PRRX1: variants seen among roughly 807,000 people sequenced by gnomAD.
PRRX1 encodes the protein paired related homeobox 1, also known as paired mesoderm homeobox protein 1.
A neutral mutation model predicts 24.0 loss-of-function variants in PRRX1; 8 were observed. That is an observed-to-expected ratio of 0.33 (90% confidence interval 0.20 to 0.60). The LOEUF (loss-of-function observed/expected upper bound fraction) is 0.60. PRRX1 is among the 20% of genes least tolerant of loss of function. The pLI is 0.82. For missense variants in PRRX1, 281 were observed against 322.4 expected (o/e 0.87, Z 0.98); for synonymous variants, 160 against 131.7 (o/e 1.22, Z -1.47).
In PRRX1 at chr1:170,726,347, G is replaced by C. The variant is rs746264594; in HGVS notation, c.545G>C (p.Arg182Pro). ...VTAVEQPIVPRPAPRPTDYLS... is the reference protein window; with the variant it reads ...VTAVEQPIVPPPAPRPTDYLS... ...GCTGTGGAGCAGCCCATCGTACCTC[G>C]TCCTGCTCCGAGACCCACCGATTAT... The change falls in exon 3 of 4, where the codon CGT becomes CCT. Residue 182 changes from arginine (R) to proline (P), a missense_variant. Coordinates refer to ENST00000239461, the MANE Select transcript of PRRX1 (RefSeq NM_022716.4). The C allele has an allele frequency of 6.8e-6, 11 of 1,613,990 alleles. No homozygotes were observed. In the Middle Eastern group the frequency reaches 8.2e-4, roughly 121 times the overall value.
intron 1 of PRRX1, among the ~76,000 whole-genome samples, chr1:170,671,523 C>A (rs1262392925): frequency 6.6e-6 from 1 of 152,250 alleles, no homozygotes; most frequent in East Asian, 1.9e-4. Flanking sequence ...CCTTCTTTCG[C>A]CGAAAGGGGG....
intron 3 of PRRX1, 71 bp from the exon 4 acceptor site, chr1:170,735,977 T>C (rs1192218853): frequency 5.6e-6 from 9 of 1,593,678 alleles, no homozygotes; most frequent in Non-Finnish European, 6.0e-6. Context: ...TACATCCATC[T>C]GGGGCACAGA....
chr1:170,676,334 T>C (rs1386321738), intron 1 of PRRX1, among the ~76,000 whole-genome samples: 1 of 152,098 alleles, frequency 6.6e-6, no homozygotes, highest in Non-Finnish European at 1.5e-5. Context: ...CCCCTCTCTT[T>C]TTTTTTTCTT....
At chr1:170,721,949 A>G (rs1026343864) in intron 2 of PRRX1, among the ~76,000 whole-genome samples, 7 of 152,080 alleles carry the variant, frequency 4.6e-5, no homozygotes, top group Non-Finnish European at 8.8e-5. Flanking sequence ...AAATAAGGAA[A>G]ACTGCAGAGG....
chr1:170,701,050 A>G (rs1654341218), intron 1 of PRRX1, among the ~76,000 whole-genome samples: 1 of 152,202 alleles, frequency 6.6e-6, no homozygotes, highest in African/African-American at 2.4e-5. Context: ...AATGAGTAAT[A>G]CTGCCTTTAT....
chr1:170,666,460 G>T (rs1261801223), intron 1 of PRRX1, among the ~76,000 whole-genome samples: 1 of 149,658 alleles, frequency 6.7e-6, no homozygotes, highest in African/African-American at 2.5e-5. Context: ...ACAGCATTTG[G>T]TGTAGACCCC....
At chr1:170,674,095 C>A (rs1653228454) in intron 1 of PRRX1, among the ~76,000 whole-genome samples, 1 of 152,212 alleles carries the variant, frequency 6.6e-6, no homozygotes, top group Non-Finnish European at 1.5e-5. Flanking sequence ...ACTTTTCATT[C>A]TTTACATCAA....
At chr1:170,718,899 A>T (rs964530636) in intron 1 of PRRX1, among the ~76,000 whole-genome samples, 2 of 152,208 alleles carry the variant, frequency 1.3e-5, no homozygotes, top group African/African-American at 4.8e-5. Flanking sequence ...CCTTCAGGGG[A>T]ACTCAGAGAA....
intron 1 of PRRX1, among the ~76,000 whole-genome samples, chr1:170,696,378 C>T (rs1381152083): frequency 6.6e-6 from 1 of 152,120 alleles, no homozygotes; most frequent in Non-Finnish European, 1.5e-5. Context: ...GTGTGCGGTT[C>T]TCAGAGAGGA....
intron 1 of PRRX1, among the ~76,000 whole-genome samples, chr1:170,685,962 T>C (rs1019716973): frequency 2.6e-5 from 4 of 152,070 alleles, no homozygotes; most frequent in Admixed American, 2.6e-4. Context: ...ATTGGACATA[T>C]ACCTGTTCAT....
rs1335739239 is a variant in PRRX1, at chr1:170,737,466, C to A, written c.*1280C>A. The A allele has an allele frequency of 5.0e-6, 1 of 201,330 alleles. No individual in the cohort carries two copies. The highest frequency in any genetic ancestry group is 1.0e-5 in the Non-Finnish European group (1 of 97,894). The allele number at this position is 201,330 out of a possible 1,614,324, so 12.5% of individuals were successfully genotyped here. On this transcript the variant is annotated 3_prime_UTR_variant, in exon 4 of 4. Transcript: ENST00000239461. ...GAGCTCTGGTGAAATGCTGATACAT[C>A]TGATCTATCATGGGAATTGCAGTTA...
chr1:170,730,190 T>C, intron 3 of PRRX1: 3 of 1,109,500 alleles, frequency 2.7e-6, no homozygotes, highest in South Asian at 2.5e-5. Flanking sequence ...ATCCTTCTCC[T>C]CCCCTCATTT....
chr1:170,674,670 T>G (rs963609253), intron 1 of PRRX1, among the ~76,000 whole-genome samples: 7 of 152,172 alleles, frequency 4.6e-5, no homozygotes, highest in African/African-American at 1.7e-4. Context: ...ATTTTTTTTT[T>G]TTTGTACGGA....
In PRRX1 at chr1:170,668,691, T is replaced by C. The variant is rs558852064; in HGVS notation, c.241+4232T>C. 4 of 152,340 alleles carry C rather than the reference T, an allele frequency of 2.6e-5. No individual in the cohort carries two copies. In the East Asian group the frequency reaches 7.7e-4, roughly 29 times the overall value. The allele number at this position is 152,340 out of a possible 1,614,324, so 9.4% of individuals were successfully genotyped here. On this transcript the variant is annotated intron_variant, in intron 1 of 3. Coordinates refer to ENST00000239461, the MANE Select transcript of PRRX1 (RefSeq NM_022716.4). ...CGCCCAGGAGAGCGGGAACATTTTCTAGGGCGCTCCCAAGTTGGAATTCTC... is the reference window on the plus strand; with the variant it reads ...CGCCCAGGAGAGCGGGAACATTTTCCAGGGCGCTCCCAAGTTGGAATTCTC...
At chr1:170,712,825 T>C (rs1350485715) in intron 1 of PRRX1, among the ~76,000 whole-genome samples, 2 of 152,162 alleles carry the variant, frequency 1.3e-5, no homozygotes, top group Non-Finnish European at 2.9e-5. Flanking sequence ...CTGGTTTACT[T>C]TCTACTCCAC....
intron 1 of PRRX1, among the ~76,000 whole-genome samples, chr1:170,674,057 T>G (rs967614872): frequency 2.0e-5 from 3 of 152,234 alleles, no homozygotes; most frequent in Non-Finnish European, 4.4e-5. Context: ...AAAAATCATG[T>G]CATGTTCTTT....
At chr1:170,700,250 T>C (rs774082174) in intron 1 of PRRX1, among the ~76,000 whole-genome samples, 3 of 152,172 alleles carry the variant, frequency 2.0e-5, no homozygotes, top group Non-Finnish European at 4.4e-5. Context: ...GGAAGTCCAG[T>C]AGGTCTCAGG....
chr1:170,730,391 G>A, intron 3 of PRRX1: 2 of 1,508,484 alleles, frequency 1.3e-6, no homozygotes, highest in Non-Finnish European at 1.8e-6. Context: ...TTGGGGTAGG[G>A]TTTAAGTGGG....
intron 1 of PRRX1, among the ~76,000 whole-genome samples, chr1:170,692,071 A>G (rs1320794288): frequency 6.6e-6 from 1 of 152,168 alleles, no homozygotes; most frequent in Middle Eastern, 3.2e-3. Context: ...GACTCTAGAT[A>G]TACACATAAA....
Sources: allele counts gnomAD v4.1 joint callset (sites outside exome capture counted in the v4.1 genomes callset), GRCh38; gene constraint gnomAD v4.1.1; transcripts MANE v1.5; gene names NCBI Gene and HGNC (gene_info 2026-07-23, HGNC 2026-07-21).